The following TIAM1 variants were observed in gnomAD, a reference collection of about 807,000 sequenced individuals.
TIAM1 encodes the protein TIAM Rac1 associated GEF 1.
TIAM1 carries 65 observed loss-of-function variants against 163.5 expected under a neutral mutation model. That is an observed-to-expected ratio of 0.40 (90% CI 0.33 to 0.49). The LOEUF is 0.49. TIAM1 is among the 20% of genes least tolerant of loss of function. The probability of loss-of-function intolerance (pLI) is 0.77; values close to 1 mark genes in which losing one functional copy is unlikely to be tolerated. For synonymous variants in TIAM1, 833 were observed against 810.1 expected (o/e 1.03, Z -0.48); for missense variants, 1,789 against 2,044.7 (o/e 0.87, Z 2.41).
intron 4 of TIAM1, among the ~76,000 whole-genome samples, chr21:31,265,193 T>G (rs1417500841): frequency 6.7e-6 from 1 of 150,332 alleles, no homozygotes; most frequent in Non-Finnish European, 1.5e-5. Context: ...GGAAAACACT[T>G]TCAAAATCTT....
At chr21:31,127,412 CTT>C (rs199978005) in intron 25 of TIAM1, among the ~76,000 whole-genome samples, 2,870 of 140,736 alleles carry the variant, frequency 0.02, 71 homozygotes, top group African/African-American at 0.066. Context: ...ATGGACCGAA[CTT>C]TTTTTTTTTT....
At chr21:31,161,219 A>C (rs1403363460) in intron 16 of TIAM1, among the ~76,000 whole-genome samples, 2 of 152,188 alleles carry the variant, frequency 1.3e-5, no homozygotes, top group Non-Finnish European at 2.9e-5. Flanking sequence ...ACATTTGCTA[A>C]ATGGAAAACA....
chr21:31,181,972 T>G (rs914300165), intron 15 of TIAM1, among the ~76,000 whole-genome samples: 2 of 148,514 alleles, frequency 1.3e-5, no homozygotes, highest in Admixed American at 6.8e-5. Context: ...TTTGGAGAGA[T>G]AGAGTCTCGT....
intron 19 of TIAM1, among the ~76,000 whole-genome samples, chr21:31,149,608 C>G (rs901878177): frequency 1.3e-5 from 2 of 152,170 alleles, no homozygotes; most frequent in African/African-American, 4.8e-5. Flanking sequence ...ACCAGCCCCA[C>G]AGCAAAAGAC....
chr21:31,179,756 A>G (rs931469970), intron 15 of TIAM1, among the ~76,000 whole-genome samples: 2 of 152,162 alleles, frequency 1.3e-5, no homozygotes, highest in Non-Finnish European at 1.5e-5. Context: ...AAATACTCAG[A>G]TATTTCTAAA....
At chr21:31,196,456 C>T (rs2085862881) in intron 12 of TIAM1, among the ~76,000 whole-genome samples, 1 of 150,308 alleles carries the variant, frequency 6.7e-6, no homozygotes, top group Admixed American at 6.6e-5. Flanking sequence ...GGATTACAGG[C>T]GTTTGCTACC....
intron 15 of TIAM1, among the ~76,000 whole-genome samples, chr21:31,165,603 A>T (rs940986215): frequency 6.6e-6 from 1 of 152,168 alleles, no homozygotes; most frequent in African/African-American, 2.4e-5. Context: ...TGAGAAATAA[A>T]TGAGTGTTGT....
upstream of TIAM1, among the ~76,000 whole-genome samples, chr21:31,347,519 C>G (rs114460139): frequency 3.8e-3 from 581 of 152,232 alleles, 4 homozygotes; most frequent in African/African-American, 0.012. Context: ...TTAAGTCATG[C>G]GAATTTCGGA....
rs753236313 is a variant in TIAM1, at chr21:31,432,778, G to A, written c.-369+31205C>T. Among the ~76,000 whole-genome samples, 12 of 152,284 alleles carry A rather than the reference G, an allele frequency of 7.9e-5. 1 individual carries two copies. In the South Asian group the frequency reaches 8.3e-4, roughly 11 times the overall value. On this transcript the variant is annotated intron_variant, in intron 2 of 28. Transcript: ENST00000286827. ...TGAAATAGAATGTGTGATGGGAGACGGGAGCAGAAAATAATTTGGGGCCAG... is the reference window on the plus strand; with the variant it reads ...TGAAATAGAATGTGTGATGGGAGACAGGAGCAGAAAATAATTTGGGGCCAG...
At chr21:31,306,833 G>A (rs995545856) in intron 2 of TIAM1, among the ~76,000 whole-genome samples, 18 of 152,130 alleles carry the variant, frequency 1.2e-4, no homozygotes, top group South Asian at 6.2e-4. Flanking sequence ...GGAAACCTTC[G>A]CCGTTTTCCA....
chr21:31,425,411 A>G (rs2043748000), intron 2 of TIAM1, among the ~76,000 whole-genome samples: 1 of 152,110 alleles, frequency 6.6e-6, no homozygotes, highest in South Asian at 2.1e-4. Context: ...CCAAGAGGTA[A>G]ATGGATGGCA....
chr21:31,408,915 C>T (rs1363949877), intron 2 of TIAM1, among the ~76,000 whole-genome samples: 1 of 152,138 alleles, frequency 6.6e-6, no homozygotes, highest in African/African-American at 2.4e-5. Flanking sequence ...TACAAAGCTT[C>T]CAGGTGGCTG....
At chr21:31,456,956 T>C (rs1352665960) in intron 2 of TIAM1, among the ~76,000 whole-genome samples, 4 of 152,330 alleles carry the variant, frequency 2.6e-5, no homozygotes, top group Admixed American at 6.5e-5. Flanking sequence ...AACATTGCAC[T>C]TGGTTGATTT....
intron 20 of TIAM1, among the ~76,000 whole-genome samples, chr21:31,142,625 C>G: frequency 1.0e-5 from 1 of 97,176 alleles, no homozygotes. Flanking sequence ...AGGGAGACTC[C>G]GTCTCAAAAA....
intron 2 of TIAM1, among the ~76,000 whole-genome samples, chr21:31,325,997 C>T (rs970048317): frequency 3.3e-5 from 5 of 152,344 alleles, no homozygotes; most frequent in Non-Finnish European, 5.9e-5. Flanking sequence ...TGCAAACCAA[C>T]CGTGTTTCTC....
At chr21:31,444,665 T>C (rs1569337150) in intron 2 of TIAM1, among the ~76,000 whole-genome samples, 1 of 152,142 alleles carries the variant, frequency 6.6e-6, no homozygotes, top group Non-Finnish European at 1.5e-5. Flanking sequence ...TGCCATGAAA[T>C]ATTTGACAAT....
intron 1 of TIAM1, among the ~76,000 whole-genome samples, chr21:31,501,883 G>T (rs915712341): frequency 0.014 from 2 of 146 alleles, no homozygotes; most frequent in Non-Finnish European, 0.019. Flanking sequence ...GATTACAGGC[G>T]TGAGCACTGC....
rs1256922561 is a variant in TIAM1 at position 31,228,236 on chromosome 21, A to ATT, written c.1585-2287_1585-2286insAA. ...TCCTTTTTTTAAAAAAAAAAAAAAA[A>ATT]AAAAAAAAAAAAAAAAAAAAAAAGG... On this transcript the variant is annotated intron_variant, in intron 6 of 27. Coordinates refer to ENST00000541036, the MANE Select transcript of TIAM1 (RefSeq NM_001353694.2). Among the ~76,000 whole-genome samples, 7 of 45,966 alleles carry ATT rather than the reference A, an allele frequency of 1.5e-4. 1 individual carries two copies. The highest frequency in any genetic ancestry group is 2.6e-3 in the South Asian group (2 of 766). 30.2% of individuals were successfully genotyped at this position (45,966 alleles called of 152,430 possible). A position where few individuals can be genotyped will look rare whatever the true frequency, so the allele number is the denominator to read the frequency against.
In TIAM1 at chr21:31,118,458, G is replaced by C. The variant is rs545941381; in HGVS notation, c.*1910C>G. 2.1e-4 allele frequency: 84 copies of C among 394,200 alleles called. No individual in the cohort carries two copies. Among genetic ancestry groups the C allele is most frequent in the South Asian group, 1.6e-3 (81 of 50,488 alleles). The allele number at this position is 394,200 out of a possible 1,614,324, so 24.4% of individuals were successfully genotyped here. On this transcript the variant is annotated 3_prime_UTR_variant, in exon 28 of 28. Transcript: ENST00000541036. ...TTATTGTTTGACAAGCATTTACAAC[G>C]TTCCATTCATAGACCTAAAAACATA...
Sources: gnomAD v4.1 joint callset for allele counts (sites outside exome capture counted in the v4.1 genomes callset) on GRCh38, gnomAD v4.1.1 for gene constraint, MANE v1.5 for transcripts, NCBI Gene and HGNC (gene_info 2026-07-23, HGNC 2026-07-21) for gene names.